FAM234A: variants seen among roughly 807,000 people sequenced by gnomAD.
FAM234A encodes family with sequence similarity 234 member A.
FAM234A carries 42 observed loss-of-function variants against 49.1 expected under a neutral mutation model. That is an observed-to-expected ratio of 0.86 (90% CI 0.67 to 1.11). FAM234A has a LOEUF of 1.11. FAM234A is among the 50% of genes least tolerant of loss of function. The probability of loss-of-function intolerance (pLI) is 0.00; values close to 1 mark genes in which losing one functional copy is unlikely to be tolerated. For synonymous variants in FAM234A, 369 were observed against 316.2 expected (o/e 1.17, Z -1.77); for missense variants, 815 against 745.2 (o/e 1.09, Z -1.09).
chr16:264,539 C>G, intron 11 of FAM234A, 75 bp from the exon 12 acceptor site: 1 of 1,009,378 alleles, frequency 9.9e-7, no homozygotes, highest in Non-Finnish European at 1.5e-6. Context: ...GCTCCAGGCA[C>G]GGTCACTCTG....
chr16:262,356 C>A, intron 7 of FAM234A, 68 bp from the exon 8 acceptor site: 1 of 1,555,726 alleles, frequency 6.4e-7, no homozygotes, highest in South Asian at 1.2e-5. Flanking sequence ...CCATGTGGCA[C>A]TGCGTGCCCC....
rs548614895 is a variant in FAM234A, at chr16:260,983, C to T, written c.578-401C>T. Among the ~76,000 whole-genome samples, 182 of 152,248 alleles carry T rather than the reference C, an allele frequency of 1.2e-3. 1 individual carries two copies. The highest frequency in any genetic ancestry group is 0.011 in the South Asian group (51 of 4,824). ...GGCACCAAGGGCACGCCTGCAACCC[C>T]AGCAGGAGGCAGGGGCTTCGAGAGG... On this transcript the variant is annotated intron_variant, in intron 5 of 12. Coordinates refer to ENST00000399932, the MANE Select transcript of FAM234A (RefSeq NM_032039.4).
At chr16:258,850 C>G (rs1433280371) in intron 3 of FAM234A, among the ~76,000 whole-genome samples, 3 of 152,208 alleles carry the variant, frequency 2.0e-5, no homozygotes, top group African/African-American at 7.2e-5. Flanking sequence ...GTGGTGCAAT[C>G]TCGCTCACTG....
At position 254,634 on chromosome 16, in the gene FAM234A, A is replaced by G. The variant is rs779651640; in HGVS notation, c.221A>G (p.Asp74Gly). 5.0e-6 allele frequency: 8 copies of G among 1,613,902 alleles called. No individual in the cohort carries two copies. Among genetic ancestry groups the G allele is most frequent in the Non-Finnish European group, 6.8e-6 (8 of 1,179,984 alleles). Residue 74 changes from aspartate to glycine, a missense_variant, in exon 3 of 13, where the codon GAC (aspartate) becomes GGC (glycine). Transcript: ENST00000399932. ...GTCTCATTCGTCATCCCGTGTCCAG[A>G]CCGGCCGGCGTCACAGCGAATGTGG... ...FVVSFVIPCP[D>G]RPASQRMWRI...
intron 1 of FAM234A, among the ~76,000 whole-genome samples, chr16:240,943 C>A (rs1027270436): frequency 1.3e-5 from 2 of 152,006 alleles, no homozygotes; most frequent in Admixed American, 6.6e-5. Flanking sequence ...ACACTGTTTT[C>A]TTCTCTTTTT....
chr16:245,187 A>C (rs557488323), intron 1 of FAM234A, among the ~76,000 whole-genome samples: 31 of 152,080 alleles, frequency 2.0e-4, no homozygotes, highest in African/African-American at 7.2e-4. Context: ...TCTCTACAAA[A>C]AATACAAAAA....
At chr16:269,666 T>G, downstream of FAM234A, 1 of 1,116,856 alleles carries the variant, frequency 9.0e-7, no homozygotes, top group Non-Finnish European at 1.3e-6. Context: ...CAGCCAAACA[T>G]TGCTGGAGCC....
chr16:260,182 G>T (rs1299969965), intron 5 of FAM234A, 22 bp downstream of exon 5: 2 of 1,610,118 alleles, frequency 1.2e-6, no homozygotes, highest in African/African-American at 2.7e-5. Context: ...AGGCAGCGGG[G>T]TTCTCACTGA....
In FAM234A at chr16:262,320, G is replaced by A; in HGVS notation, c.841+95G>A. The A allele has an allele frequency of 2.5e-6, 4 of 1,570,876 alleles. No individual in the cohort carries two copies. In the South Asian group the frequency reaches 3.6e-5, roughly 14 times the overall value. ...TCCTGCTTCTGCTCTCGAGGTGCTG[G>A]AGTCAGGAAGCCCAGGGGCCTGGCT... On this transcript the variant is annotated intron_variant, in intron 7 of 12. Transcript: ENST00000399932.
intron 3 of FAM234A, 113 bp downstream of exon 3, chr16:254,794 C>A: frequency 1.8e-6 from 2 of 1,102,328 alleles, no homozygotes; most frequent in Non-Finnish European, 2.6e-6. Flanking sequence ...AACAGTGAAT[C>A]AATCCCAAGA....
chr16:262,334 A>G, intron 7 of FAM234A, 90 bp from the exon 8 acceptor site: 1 of 1,564,050 alleles, frequency 6.4e-7, no homozygotes. Context: ...CAGGAAGCCC[A>G]GGGGCCTGGC....
chr16:235,623 G>A (rs2050373072), intron 1 of FAM234A, among the ~76,000 whole-genome samples: 2 of 152,146 alleles, frequency 1.3e-5, no homozygotes, highest in African/African-American at 4.8e-5. Context: ...TCCCTTCCAT[G>A]TACTGGCTGC....
In FAM234A at chr16:264,716, G is replaced by A. The variant is rs748449160; in HGVS notation, c.1447G>A (p.Ala483Thr). 9.3e-6 allele frequency: 15 copies of A among 1,610,822 alleles called. No individual in the cohort carries two copies. In the Admixed American group the frequency reaches 1.2e-4, roughly 13 times the overall value. Residue 483 changes from alanine to threonine, a missense_variant and splice_region_variant, in exon 12 of 13, where the codon GCC (alanine) becomes ACC (threonine). Transcript: ENST00000399932. Reference sequence around the variant, plus strand: ...CTCTACCCACATTGTCGCCTTTGACGGTGAGTGTGGCCTCGGCCAGGGACC... The same window carrying A: ...CTCTACCCACATTGTCGCCTTTGACAGTGAGTGTGGCCTCGGCCAGGGACC... ...NVSTHIVAFD[A>T]VLFEPSRHAA...
intron 3 of FAM234A, among the ~76,000 whole-genome samples, chr16:255,253 G>A (rs962112883): frequency 2.0e-5 from 3 of 152,026 alleles, no homozygotes; most frequent in Non-Finnish European, 4.4e-5. Context: ...GCCTCCCAAC[G>A]TGCTGGGATT....
At chr16:255,790 A>G (rs1421643616) in intron 3 of FAM234A, among the ~76,000 whole-genome samples, 1 of 152,126 alleles carries the variant, frequency 6.6e-6, no homozygotes, top group Non-Finnish European at 1.5e-5. Flanking sequence ...CAGCCTCCCG[A>G]GTAGCTGGGA....
downstream of FAM234A, among the ~76,000 whole-genome samples, chr16:268,036 A>G (rs1025233948): frequency 4.8e-5 from 7 of 147,218 alleles, no homozygotes; most frequent in Non-Finnish European, 1.0e-4. Context: ...GCCTCACAGT[A>G]CACCTGCACA....
chr16:241,209 G>A (rs1287105984), intron 1 of FAM234A, among the ~76,000 whole-genome samples: 1 of 151,712 alleles, frequency 6.6e-6, no homozygotes, highest in African/African-American at 2.4e-5. Context: ...GATTACAAAT[G>A]TATGCTACTG....
At chr16:266,737 G>C (rs1407072891), downstream of FAM234A, among the ~76,000 whole-genome samples, 2 of 152,150 alleles carry the variant, frequency 1.3e-5, no homozygotes, top group Admixed American at 6.5e-5. Flanking sequence ...TTGTCCCTGA[G>C]AAAAGTAACT....
chr16:258,398 C>G (rs1469429832), intron 3 of FAM234A, among the ~76,000 whole-genome samples: 1 of 152,128 alleles, frequency 6.6e-6, no homozygotes, highest in African/African-American at 2.4e-5. Context: ...TAACAAAGCA[C>G]ATCTTGCACC....
Sources: gnomAD v4.1 joint callset for allele counts (sites outside exome capture counted in the v4.1 genomes callset) on GRCh38, gnomAD v4.1.1 for gene constraint, MANE v1.5 for transcripts, NCBI Gene and HGNC (gene_info 2026-07-23, HGNC 2026-07-21) for gene names.